Variants in TDRD1 observed in about 807,000 individuals in gnomAD.
The protein encoded by TDRD1 is tudor domain-containing protein 1.
Under a neutral mutation model 140.6 loss-of-function variants are expected in TDRD1, and 37 were observed. That is an observed-to-expected ratio of 0.26 (90% CI 0.20 to 0.35). TDRD1 has a LOEUF of 0.35. Among genes scored for constraint, TDRD1 ranks in the 10% least tolerant of loss-of-function variants. The pLI, the probability that TDRD1 is intolerant of heterozygous loss-of-function variation, is 1.00. For synonymous variants in TDRD1, 506 were observed against 475.7 expected, an observed-to-expected ratio of 1.06 and a Z score of -0.83; for missense variants, 1,243 against 1,393.0, an observed-to-expected ratio of 0.89 and a Z score of 1.71.
At chr10:114,211,869 A>G (rs1300065522) in exon 14 of TDRD1, 1 of 1,521,828 alleles carries the variant, frequency 6.6e-7, no homozygotes, top group African/African-American at 1.4e-5. Flanking sequence ...TTTTCAGAGG[A>G]TGATCAGTGG....
chr10:114,204,751 C>A (rs755725269), exon 10 of TDRD1: 1 of 1,595,652 alleles, frequency 6.3e-7, no homozygotes, highest in Non-Finnish European at 8.5e-7. Context: ...CCAATGTTAT[C>A]CCAGCAGAAG....
At chr10:114,222,703 A>G (rs1202560162) in exon 21 of TDRD1, 16 of 1,564,442 alleles carry the variant, frequency 1.0e-5, no homozygotes, top group Non-Finnish European at 1.4e-5. Flanking sequence ...CAAATACACA[A>G]GTAAGGTTCT....
rs1306284319 is a variant in TDRD1 at position 114,217,544 on chromosome 10, G to A, written c.2213-1G>A. The A allele has an allele frequency of 6.6e-7, 1 of 1,515,094 alleles. No individual in the cohort carries two copies. Among genetic ancestry groups the A allele is most frequent in the Admixed American group, 1.9e-5 (1 of 51,830 alleles). The allele number at this position is 1,515,094 out of a possible 1,614,324, so 93.9% of individuals were successfully genotyped here. A position where few individuals can be genotyped will look rare whatever the true frequency, so the allele number is the denominator to read the frequency against. ...TTTTTTAATCCTATGTGTATTTTCA[G>A]CTTTAAAGAAACTCAATGATTTGAA... is the stretch of plus-strand genomic sequence containing the variant. On this transcript the variant is annotated splice_acceptor_variant, in intron 16 of 25. Coordinates refer to ENST00000251864, the Ensembl canonical transcript of TDRD1. LOFTEE classifies it high-confidence loss of function.
intron 4 of TDRD1, among the ~76,000 whole-genome samples, chr10:114,201,057 T>C (rs1247282125): frequency 1.3e-5 from 2 of 151,592 alleles, no homozygotes; most frequent in Non-Finnish European, 2.9e-5. Flanking sequence ...TTTCAAACCA[T>C]GTTGGCCAGG....
In TDRD1 at chr10:114,210,669, T is replaced by C. The variant is rs1264318609; in HGVS notation, c.1473T>C (p.Asn491=). Residue 491 remains asparagine, a synonymous_variant, in exon 12 of 26, where the codon AAT becomes AAC. Transcript: ENST00000251864. ...TAATCCCAAAAGTGTTAACTTTGAA[T>C]GTAGGTGATGAGTTTTGTGGTGTGG... is the stretch of plus-strand genomic sequence containing the variant. 1.9e-6 allele frequency: 3 copies of C among 1,612,944 alleles called. No individual in the cohort carries two copies. In the African/African-American group the frequency reaches 4.0e-5, roughly 22 times the overall value.
intron 13 of TDRD1, among the ~76,000 whole-genome samples, chr10:114,211,658 G>A (rs769723131): frequency 1.1e-4 from 16 of 152,198 alleles, no homozygotes; most frequent in African/African-American, 2.4e-4. Flanking sequence ...TGATTACAGC[G>A]TAAGACATAA....
chr10:114,196,146 T>C (rs2034331745), intron 3 of TDRD1, among the ~76,000 whole-genome samples: 1 of 152,190 alleles, frequency 6.6e-6, no homozygotes, highest in African/African-American at 2.4e-5. Flanking sequence ...TACTTACTGA[T>C]AGGTTTCATT....
chr10:114,180,178 G>A (rs2032923605), intron 1 of TDRD1: 1 of 152,228 alleles, frequency 6.6e-6, no homozygotes, highest in South Asian at 2.1e-4. Flanking sequence ...TTTTGTGCTT[G>A]TAGGAGTGGT....
At chr10:114,217,499 A>G in intron 16 of TDRD1, 46 bp from the exon 17 acceptor site, 1 of 1,085,320 alleles carries the variant, frequency 9.2e-7, no homozygotes, top group Non-Finnish European at 1.4e-6. Context: ...TGTGTTGTTT[A>G]TTTTTTAATA....
At chr10:114,209,486 C>T (rs1291166533) in intron 11 of TDRD1, among the ~76,000 whole-genome samples, 1 of 152,298 alleles carries the variant, frequency 6.6e-6, no homozygotes, top group East Asian at 1.9e-4. Flanking sequence ...TTTCTCTTGC[C>T]TTCTCCCTTA....
intron 21 of TDRD1, among the ~76,000 whole-genome samples, chr10:114,225,284 C>T (rs538791043): frequency 3.9e-5 from 6 of 152,276 alleles, no homozygotes; most frequent in Admixed American, 1.3e-4. Flanking sequence ...TGAACCAAAG[C>T]CTATTCAGAT....
chr10:114,205,240 C>T (rs1016817489), intron 10 of TDRD1, among the ~76,000 whole-genome samples: 6 of 152,308 alleles, frequency 3.9e-5, no homozygotes, highest in Admixed American at 6.5e-5. Flanking sequence ...GTAACCTTCA[C>T]GGAACTGCAT....
intron 1 of TDRD1, among the ~76,000 whole-genome samples, chr10:114,186,778 G>T (rs1415094646): frequency 1.3e-5 from 2 of 152,142 alleles, no homozygotes; most frequent in African/African-American, 4.8e-5. Flanking sequence ...TTTCGAGGGT[G>T]CCTGTATATT....
At chr10:114,220,487 A>G (rs2036073502) in intron 18 of TDRD1, 81 bp from the exon 19 acceptor site, 1 of 957,582 alleles carries the variant, frequency 1.0e-6, no homozygotes. Context: ...TAAACTTGGC[A>G]AAGACCTGGT....
chr10:114,189,542 C>T (rs1401780456), intron 2 of TDRD1, among the ~76,000 whole-genome samples: 1 of 152,170 alleles, frequency 6.6e-6, no homozygotes, highest in Non-Finnish European at 1.5e-5. Flanking sequence ...AGCTTAAGGA[C>T]TTCCCAAGAC....
upstream of TDRD1, among the ~76,000 whole-genome samples, chr10:114,175,164 T>G (rs2032664693): frequency 1.3e-5 from 2 of 152,344 alleles, no homozygotes; most frequent in South Asian, 4.1e-4. Context: ...TAAAGTGTCT[T>G]GTCATAGAAA....
chr10:114,190,080 G>A (rs1449765494), intron 2 of TDRD1, among the ~76,000 whole-genome samples: 1 of 152,050 alleles, frequency 6.6e-6, no homozygotes, highest in Non-Finnish European at 1.5e-5. Flanking sequence ...CTGTCTCCGG[G>A]AGGCCAAACT....
At chr10:114,196,831 G>GTGTTTTTTTTTT (rs1301969120) in intron 3 of TDRD1, among the ~76,000 whole-genome samples, 1 of 57,142 alleles carries the variant, frequency 1.8e-5, no homozygotes, top group Non-Finnish European at 3.1e-5. Flanking sequence ...GTTTCTAGCA[G>GTGTTTTTTTTTT]TCTTTTTTTT....
intron 19 of TDRD1, 113 bp downstream of exon 19, chr10:114,220,956 CAT>C: frequency 1.5e-6 from 1 of 665,482 alleles, no homozygotes. Flanking sequence ...GCTTTACGGA[CAT>C]AGATTAGTAG....
Sources: gnomAD v4.1 joint callset for allele counts (sites outside exome capture counted in the v4.1 genomes callset) on GRCh38, gnomAD v4.1.1 for gene constraint, MANE v1.5 for transcripts, NCBI Gene and HGNC (gene_info 2026-07-23, HGNC 2026-07-21) for gene names.